The following GLS variants were observed in gnomAD, a reference collection of about 807,000 sequenced individuals.
The protein encoded by GLS is glutaminase kidney isoform, mitochondrial.
In GLS, 36 loss-of-function variants were observed where a neutral mutation model predicts 86.7. The ratio of observed to expected loss-of-function variants is 0.42; its 90% CI spans 0.32 to 0.55. The LOEUF (loss-of-function observed/expected upper bound fraction) is 0.55, where lower values mean the gene tolerates loss of function less well. Among genes scored for constraint, GLS ranks in the 20% least tolerant of loss-of-function variants. The pLI is 0.17. For synonymous variants in GLS, 317 were observed against 305.9 expected (o/e 1.04, Z -0.38); for missense variants, 528 against 833.4 (o/e 0.63, Z 4.51).
intron 17 of GLS, among the ~76,000 whole-genome samples, chr2:190,960,124 C>T (rs1350325537): frequency 6.6e-6 from 1 of 152,162 alleles, no homozygotes; most frequent in Non-Finnish European, 1.5e-5. Flanking sequence ...GCAGCTTACA[C>T]ATATACATGT....
rs1015695435 is a variant in GLS at position 190,943,855 on chromosome 2, T to A, written c.1651-9710T>A. The stretch of plus-strand genomic sequence containing the variant: ...AATAAACATTGAAGAATATAGGGAG[T>A]TAAGTAAGGCTCTGGAGACCAGTGA... On this transcript the variant is annotated intron_variant, in intron 14 of 17. Transcript: ENST00000320717. The surrounding 1 kb of genome is among the most constrained non-coding windows in gnomAD (Gnocchi z 4.5). 6.6e-5 allele frequency among the ~76,000 whole-genome samples: 10 copies of A among 152,138 alleles called. No individual in the cohort carries two copies. The highest frequency in any genetic ancestry group is 2.4e-4 in the African/African-American group (10 of 41,528).
intron 17 of GLS, among the ~76,000 whole-genome samples, chr2:190,959,222 A>G (rs1690937652): frequency 6.7e-6 from 1 of 149,354 alleles, no homozygotes; most frequent in Non-Finnish European, 1.5e-5. Flanking sequence ...GTTTTATCAG[A>G]GACTAGCATT....
intron 7 of GLS, among the ~76,000 whole-genome samples, 200 bp downstream of exon 7, chr2:190,910,521 T>C (rs1167234590): frequency 6.6e-6 from 1 of 151,892 alleles, no homozygotes; most frequent in Non-Finnish European, 1.5e-5. Context: ...TTAAAACAGA[T>C]GACTCATTGT....
At position 190,924,945 on chromosome 2, in the gene GLS, A is replaced by G. The variant is rs75839877; in HGVS notation, c.1248+352A>G. ...AATAAATGGATGTGTCACATTATGCAAAATATAGATGTCTCAGAAATCTTG... is the reference window on the plus strand; with the variant it reads ...AATAAATGGATGTGTCACATTATGCGAAATATAGATGTCTCAGAAATCTTG... On this transcript the variant is annotated intron_variant, in intron 11 of 17. Transcript: ENST00000320717. The surrounding 1 kb of genome is among the most constrained non-coding windows in gnomAD (Gnocchi z 5.2). 5.7e-3 allele frequency among the ~76,000 whole-genome samples: 872 copies of G among 152,316 alleles called. 20 individuals carry two copies. Among genetic ancestry groups the G allele is most frequent in the East Asian group, 0.053 (273 of 5,184 alleles).
In GLS at chr2:190,951,682, A is replaced by G. The variant is rs1167903962; in HGVS notation, c.1651-1883A>G. Among the ~76,000 whole-genome samples the G allele has an allele frequency of 6.6e-6, 1 of 152,192 alleles. No individual in the cohort carries two copies. Among genetic ancestry groups the G allele is most frequent in the Non-Finnish European group, 1.5e-5 (1 of 68,046 alleles). On this transcript the variant is annotated intron_variant, in intron 14 of 17. Transcript: ENST00000320717. The surrounding 1 kb of genome is among the most constrained non-coding windows in gnomAD (Gnocchi z 4.2). ...CTCCACTGGTATTAAAGGCCTGAAG[A>G]AAGTATGGCGGGAACCAACAAGAAA...
rs1224050664 is a variant in GLS at position 190,900,602 on chromosome 2, T to C, written c.644T>C (p.Phe215Ser). The change falls in exon 4 of 18, where the codon TTT becomes TCT. Residue 215 changes from phenylalanine to serine, a missense_variant. Physicochemically the swap from Phe to Ser is radical, Grantham distance 155. Around this residue, in one of 4 missense-constraint regions of GLS, gnomAD observed 111 missense variants for 179.5 expected, o/e 0.62. Transcript: ENST00000320717. ...QSNIVLLTQA[F>S]RRKFVIPDFM... is the part of the protein sequence containing the mutation. ...AACATTGTTTTGTTGACACAAGCAT[T>C]TAGAAGAAAGTTTGTGATTCCTGAC... 6.2e-7 allele frequency: 1 copy of C among 1,603,000 alleles called. No homozygotes were observed. Among genetic ancestry groups the C allele is most frequent in the African/African-American group, 1.3e-5 (1 of 74,710 alleles).
intron 1 of GLS, among the ~76,000 whole-genome samples, chr2:190,886,249 A>G (rs985597437): frequency 2.0e-5 from 3 of 152,198 alleles, no homozygotes; most frequent in Non-Finnish European, 2.9e-5. Context: ...TAATATTTAT[A>G]TTGAAATGTG....
At chr2:190,922,810 A>G (rs1689784975) in intron 9 of GLS, among the ~76,000 whole-genome samples, 1 of 152,210 alleles carries the variant, frequency 6.6e-6, no homozygotes, top group Non-Finnish European at 1.5e-5. Flanking sequence ...CAGTTCCTCT[A>G]ATATCAGCAG....
At chr2:190,886,916 C>CAAA (rs11299475) in intron 1 of GLS, among the ~76,000 whole-genome samples, 1 of 118,394 alleles carries the variant, frequency 8.4e-6, no homozygotes, top group Non-Finnish European at 1.8e-5. Context: ...ACTCTTGTCT[C>CAAA]AAAAAAAAAA....
intron 7 of GLS, among the ~76,000 whole-genome samples, chr2:190,917,350 T>C (rs1689571504): frequency 1.3e-5 from 2 of 152,206 alleles, no homozygotes; most frequent in Admixed American, 6.5e-5. Flanking sequence ...AGCAATTCAG[T>C]CATATCTTCA....
Position 190,921,019 on chromosome 2 carries a change from T to G in GLS, c.1039-5T>G, listed in dbSNP as rs750435813. On this transcript the variant is annotated splice_region_variant and splice_polypyrimidine_tract_variant and intron_variant, in intron 7 of 17. Coordinates refer to ENST00000320717, the MANE Select transcript of GLS (RefSeq NM_014905.5). This position sits in a 1 kb window ranked among gnomAD's most constrained non-coding sequence, Gnocchi z 4.2. Reference sequence around the variant, plus strand: ...AACGTATTTATGTCTCTTATTTTTTTGCAGCAAGGAGTAAATAATGCTGAA... The same window carrying G: ...AACGTATTTATGTCTCTTATTTTTTGGCAGCAAGGAGTAAATAATGCTGAA... 3.3e-6 allele frequency: 5 copies of G among 1,503,240 alleles called. No individual in the cohort carries two copies. Among genetic ancestry groups the G allele is most frequent in the Non-Finnish European group, 3.7e-6 (4 of 1,081,066 alleles). 93.1% of individuals were successfully genotyped at this position (1,503,240 alleles called of 1,614,324 possible).
intron 7 of GLS, among the ~76,000 whole-genome samples, chr2:190,919,092 G>A (rs1689647469): frequency 6.6e-6 from 1 of 152,030 alleles, no homozygotes; most frequent in Admixed American, 6.6e-5. Context: ...AGACTTACTT[G>A]ATGCAGGGTT....
chr2:190,937,055 C>T (rs1690290683), intron 14 of GLS, among the ~76,000 whole-genome samples: 1 of 151,244 alleles, frequency 6.6e-6, no homozygotes, highest in African/African-American at 2.4e-5. Context: ...AAATTTGTTA[C>T]CATGCATGAT....
chr2:190,933,389 G>A (rs1690171219), intron 14 of GLS: 1 of 875,244 alleles, frequency 1.1e-6, no homozygotes. Context: ...AAATTAGCTT[G>A]TGTTTACATT....
chr2:190,893,617 G>A (rs1417003199), intron 1 of GLS, among the ~76,000 whole-genome samples: 2 of 152,024 alleles, frequency 1.3e-5, no homozygotes, highest in Admixed American at 6.6e-5. Context: ...ACAGAGTCTC[G>A]CTCTGTTACC....
rs140957557 is a variant in GLS, at chr2:190,962,196, T to C, written c.1854-634T>C. The stretch of plus-strand genomic sequence containing the variant: ...TCTAAACAGCACAGCCCCAGAAGCA[T>C]GGAAAGGGGAGTTATTAGTATGGAA... On this transcript the variant is annotated intron_variant, in intron 17 of 17. Coordinates refer to ENST00000320717, the MANE Select transcript of GLS (RefSeq NM_014905.5). This position sits in a 1 kb window ranked among gnomAD's most constrained non-coding sequence, Gnocchi z 4.2. Among the ~76,000 whole-genome samples the C allele has an allele frequency of 1.1e-3, 172 of 152,250 alleles. No homozygotes were observed. The highest frequency in any genetic ancestry group is 3.3e-3 in the African/African-American group (135 of 41,534).
chr2:190,957,835 C>T (rs1041563934), intron 17 of GLS, among the ~76,000 whole-genome samples: 4 of 152,140 alleles, frequency 2.6e-5, no homozygotes, highest in Non-Finnish European at 5.9e-5. Context: ...ATTTTCGCAT[C>T]AATATTCATC....
In GLS at chr2:190,935,789, A is replaced by G. The variant is rs1690254387; in HGVS notation, c.1650+4152A>G. Among the ~76,000 whole-genome samples the G allele has an allele frequency of 6.6e-6, 1 of 151,248 alleles. No individual in the cohort carries two copies. The highest frequency in any genetic ancestry group is 2.1e-4 in the South Asian group (1 of 4,832). On this transcript the variant is annotated intron_variant, in intron 14 of 17. Coordinates refer to ENST00000320717, the MANE Select transcript of GLS (RefSeq NM_014905.5). This position sits in a 1 kb window ranked among gnomAD's most constrained non-coding sequence, Gnocchi z 4.2. ...TGTTAATCTCAGTAGAATTTATATTAAACAGAATGACAGTGATACAGAAAT... is the reference window on the plus strand; with the variant it reads ...TGTTAATCTCAGTAGAATTTATATTGAACAGAATGACAGTGATACAGAAAT...
chr2:190,955,310 G>C lies in GLS; in HGVS notation c.1853+492G>C, dbSNP rs1262144538. ...GACCCCCAAACAGGCCCTGGTGTGT[G>C]ATGTTCCCCTCCCTGTGTCCATGTG... On this transcript the variant is annotated intron_variant, in intron 17 of 17. Transcript: ENST00000320717. The surrounding 1 kb of genome is among the most constrained non-coding windows in gnomAD (Gnocchi z 5.6). Among the ~76,000 whole-genome samples the C allele has an allele frequency of 2.6e-4, 39 of 152,100 alleles. No individual in the cohort carries two copies. The highest frequency in any genetic ancestry group is 2.9e-5 in the Non-Finnish European group (2 of 68,026).
Sources: allele counts gnomAD v4.1 joint callset (sites outside exome capture counted in the v4.1 genomes callset), GRCh38; gene constraint gnomAD v4.1.1; regional missense constraint gnomAD v4.1.1; non-coding constraint Gnocchi (gnomAD v3.1); transcripts MANE v1.5; gene names NCBI Gene and HGNC (gene_info 2026-07-23, HGNC 2026-07-21).